Variants in TRHDE observed in about 807,000 individuals in gnomAD.
TRHDE encodes thyrotropin releasing hormone degrading enzyme.
TRHDE carries 72 observed loss-of-function variants against 125.7 expected under a neutral mutation model. The ratio of observed to expected loss-of-function variants is 0.57; its 90% CI spans 0.47 to 0.70. TRHDE has a LOEUF of 0.70. Among genes scored for constraint, TRHDE ranks in the 30% least tolerant of loss-of-function variants. The pLI is 0.00. For missense variants in TRHDE, 1,110 were observed against 1,327.1 expected, an observed-to-expected ratio of 0.84 and a Z score of 2.54; for synonymous variants, 509 against 509.1, an observed-to-expected ratio of 1.00 and a Z score of 0.00.
intron 2 of TRHDE, among the ~76,000 whole-genome samples, chr12:72,155,717 A>G (rs1876488021): frequency 6.6e-6 from 1 of 152,186 alleles, no homozygotes; most frequent in Non-Finnish European, 1.5e-5. Context: ...GATATTGGTG[A>G]ACAGCAAACG....
intron 2 of TRHDE, among the ~76,000 whole-genome samples, chr12:72,335,419 T>C (rs758102486): frequency 6.6e-6 from 1 of 152,232 alleles, no homozygotes; most frequent in Non-Finnish European, 1.5e-5. Flanking sequence ...ATTTCAGTCT[T>C]TTCTGTGGTG....
At chr12:72,576,265 G>T (rs1316566167) in intron 12 of TRHDE, among the ~76,000 whole-genome samples, 1 of 152,022 alleles carries the variant, frequency 6.6e-6, no homozygotes, top group African/African-American at 2.4e-5. Context: ...AATTAAGACA[G>T]GTGACTCTCT....
chr12:72,450,029 A>G (rs1292203648), intron 3 of TRHDE, among the ~76,000 whole-genome samples: 1 of 151,902 alleles, frequency 6.6e-6, no homozygotes, highest in Admixed American at 6.6e-5. Context: ...ATCTGAATTT[A>G]ATATTTAGTT....
intron 2 of TRHDE, among the ~76,000 whole-genome samples, chr12:72,340,223 G>A (rs1263239182): frequency 4.6e-5 from 7 of 152,142 alleles, no homozygotes. Context: ...CTTGGTGTGT[G>A]TAGAAGTTAG....
intron 2 of TRHDE, among the ~76,000 whole-genome samples, chr12:72,133,039 G>A (rs1875899884): frequency 6.6e-6 from 1 of 152,192 alleles, no homozygotes; most frequent in Non-Finnish European, 1.5e-5. Context: ...GGTGTAAGAT[G>A]AGTCTGCAGA....
Position 72,489,412 on chromosome 12 carries a change from A to G in TRHDE, c.1585-10086A>G, listed in dbSNP as rs73346571. 5.6e-3 allele frequency among the ~76,000 whole-genome samples: 845 copies of G among 152,028 alleles called. 7 individuals carry two copies. The highest frequency in any genetic ancestry group is 0.019 in the African/African-American group (802 of 41,550). ...GAAGAATTAATATGTTAAAATGTCT[A>G]TATTACCGAAAGCAATGTACAGATT... On this transcript the variant is annotated intron_variant, in intron 5 of 18. Transcript: ENST00000261180.
intron 2 of TRHDE, among the ~76,000 whole-genome samples, chr12:72,208,624 C>A (rs1054515564): frequency 1.3e-5 from 2 of 152,052 alleles, no homozygotes; most frequent in African/African-American, 4.8e-5. Context: ...CTATTTTTTT[C>A]TGATCTGCAA....
At position 72,621,823 on chromosome 12, in the gene TRHDE, A is replaced by G. The variant is rs553973703; in HGVS notation, c.2675+72A>G. 5.2e-5 allele frequency: 59 copies of G among 1,130,956 alleles called. No homozygotes were observed. In the South Asian group the frequency reaches 8.2e-4, roughly 16 times the overall value. The allele number at this position is 1,130,956 out of a possible 1,614,324, so 70.1% of individuals were successfully genotyped here. A position where few individuals can be genotyped will look rare whatever the true frequency, so the allele number is the denominator to read the frequency against. On this transcript the variant is annotated intron_variant, in intron 15 of 18. Coordinates refer to ENST00000261180, the MANE Select transcript of TRHDE (RefSeq NM_013381.3). ...TTCAGAGTCTCAGTGGATGCATTTCATTTACCAACTGGAGAAAAACAAGAT... is the reference window on the plus strand; with the variant it reads ...TTCAGAGTCTCAGTGGATGCATTTCGTTTACCAACTGGAGAAAAACAAGAT...
intron 6 of TRHDE, among the ~76,000 whole-genome samples, chr12:72,514,804 C>T (rs1383615686): frequency 9.1e-6 from 1 of 110,050 alleles, no homozygotes; most frequent in Non-Finnish European, 1.7e-5. Context: ...CACCCCAGAA[C>T]AGTCCCCAGA....
chr12:72,423,310 T>C (rs1874036086), intron 3 of TRHDE, among the ~76,000 whole-genome samples: 1 of 152,186 alleles, frequency 6.6e-6, no homozygotes, highest in Non-Finnish European at 1.5e-5. Flanking sequence ...TATATGTTTA[T>C]TGAGATGCAA....
intron 12 of TRHDE, among the ~76,000 whole-genome samples, chr12:72,594,502 G>GATTT (rs544576303): frequency 1.5e-5 from 2 of 136,016 alleles, no homozygotes; most frequent in East Asian, 4.3e-4. Flanking sequence ...ACAGATGTGA[G>GATTT]TTTTTTTTTT....
In TRHDE at chr12:72,346,656, T is replaced by G. The variant is rs900149141; in HGVS notation, c.1189-31339T>G. Among the ~76,000 whole-genome samples the G allele has an allele frequency of 5.3e-5, 8 of 152,170 alleles. 1 individual carries two copies. The highest frequency in any genetic ancestry group is 1.7e-4 in the African/African-American group (7 of 41,552). ...TGTTACTAATGCCGAGTGCCAACCT[T>G]AGAGCCTGGCATCAAAGAGGCTCTC... is the stretch of plus-strand genomic sequence containing the variant. On this transcript the variant is annotated intron_variant, in intron 2 of 18. Transcript: ENST00000261180.
intron 2 of TRHDE, among the ~76,000 whole-genome samples, chr12:72,247,455 T>C (rs1878595909): frequency 6.6e-6 from 1 of 152,166 alleles, no homozygotes; most frequent in South Asian, 2.1e-4. Flanking sequence ...TGAGAACTTC[T>C]ATTCTAGAAC....
At chr12:72,470,496 A>G (rs895794875) in intron 4 of TRHDE, among the ~76,000 whole-genome samples, 5 of 152,202 alleles carry the variant, frequency 3.3e-5, no homozygotes, top group Non-Finnish European at 7.3e-5. Flanking sequence ...AATTAATTTC[A>G]TTTTGATTTT....
intron 12 of TRHDE, among the ~76,000 whole-genome samples, chr12:72,600,993 T>TA (rs950115472): frequency 6.6e-6 from 1 of 152,122 alleles, no homozygotes; most frequent in African/African-American, 2.4e-5. Context: ...CTTATTATTT[T>TA]AAAAATACAT....
At chr12:72,157,169 G>A (rs115299140) in intron 2 of TRHDE, among the ~76,000 whole-genome samples, 4,554 of 151,090 alleles carry the variant, frequency 0.03, 122 homozygotes, top group African/African-American at 0.067. Flanking sequence ...GTGCAGTGGC[G>A]TGATCTCAGC....
chr12:72,356,925 ATATC>A (rs1870850739), intron 2 of TRHDE, among the ~76,000 whole-genome samples: 1 of 151,652 alleles, frequency 6.6e-6, no homozygotes, highest in South Asian at 2.1e-4. Flanking sequence ...ACATAAGAAA[ATATC>A]TATATTTTCG....
At chr12:72,519,184 T>C (rs561560371) in intron 6 of TRHDE, among the ~76,000 whole-genome samples, 5 of 152,274 alleles carry the variant, frequency 3.3e-5, no homozygotes, top group South Asian at 4.1e-4. Context: ...TGAATCTGAA[T>C]GTTGGCCTGC....
At chr12:72,453,166 T>G (rs917136174) in intron 3 of TRHDE, among the ~76,000 whole-genome samples, 1 of 152,158 alleles carries the variant, frequency 6.6e-6, no homozygotes, top group African/African-American at 2.4e-5. Flanking sequence ...TAAATAATTG[T>G]GACTAAAATG....
Sources: gnomAD v4.1 joint callset for allele counts (sites outside exome capture counted in the v4.1 genomes callset) on GRCh38, gnomAD v4.1.1 for gene constraint, MANE v1.5 for transcripts, NCBI Gene and HGNC (gene_info 2026-07-23, HGNC 2026-07-21) for gene names.